DLG2: variants seen among roughly 807,000 people sequenced by gnomAD.
DLG2 encodes the protein discs large MAGUK scaffold protein 2.
In DLG2, 45 loss-of-function variants were observed where a neutral mutation model predicts 132.5. The observed-to-expected ratio is 0.34, with a 90% confidence interval of 0.27 to 0.44. DLG2 has a LOEUF of 0.44. Ranked by LOEUF, DLG2 falls within the 20% of genes least tolerant of loss-of-function variation. DLG2 has a pLI of 1.00. For synonymous variants in DLG2, 424 were observed against 419.6 expected (o/e 1.01, Z -0.13); for missense variants, 1,045 against 1,196.9 (o/e 0.87, Z 1.87).
At chr11:85,206,546 A>G (rs1009835763) in intron 4 of DLG2, among the ~76,000 whole-genome samples, 5 of 152,200 alleles carry the variant, frequency 3.3e-5, no homozygotes, top group African/African-American at 1.2e-4. Flanking sequence ...TAAGTAATAA[A>G]GGTTTGCTTT....
At chr11:85,593,016 AAGG>A (rs2079473671) in intron 3 of DLG2, among the ~76,000 whole-genome samples, 1 of 151,990 alleles carries the variant, frequency 6.6e-6, no homozygotes, top group South Asian at 2.1e-4. Context: ...GAAGGAAAGA[AAGG>A]AGGGAGGGAG....
chr11:84,694,586 A>G (rs1182452313), intron 6 of DLG2, among the ~76,000 whole-genome samples: 1 of 151,528 alleles, frequency 6.6e-6, no homozygotes, highest in African/African-American at 2.4e-5. Flanking sequence ...GACCTACGAC[A>G]TGAATCCTAC....
Position 85,548,152 on chromosome 11 carries a change from A to G in DLG2, c.40+50505T>C, listed in dbSNP as rs2076445760. On this transcript the variant is annotated intron_variant, in intron 3 of 27. Coordinates refer to ENST00000376104, the MANE Select transcript of DLG2 (RefSeq NM_001142699.3). ...TTACCTTTGGTCTTTGAAGTCGGTG[A>G]TCTTTGGCTGGGGTCTCTGAGTGGA... Among the ~76,000 whole-genome samples the G allele has an allele frequency of 2.0e-5, 3 of 152,066 alleles. No individual in the cohort carries two copies. In the South Asian group the frequency reaches 6.2e-4, roughly 32 times the overall value.
chr11:85,162,430 G>A (rs1425683418), intron 4 of DLG2, among the ~76,000 whole-genome samples: 1 of 152,226 alleles, frequency 6.6e-6, no homozygotes, highest in Admixed American at 6.5e-5. Flanking sequence ...TGAGGTGCTT[G>A]CTGAAGGCAA....
intron 18 of DLG2, among the ~76,000 whole-genome samples, chr11:83,649,148 C>T (rs2069220162): frequency 6.6e-6 from 1 of 151,922 alleles, no homozygotes; most frequent in Admixed American, 6.6e-5. Flanking sequence ...AAAGCACTGG[C>T]CTCTAAGTAT....
rs1272364165 is a variant in DLG2, at chr11:83,702,146, T to C, written c.1826-68821A>G. ...ATCAGGATATCTCAGCAAATTCCCC[T>C]TAACTTTCACTTTTTTTTTCCCCTA... On this transcript the variant is annotated intron_variant, in intron 18 of 27. Coordinates refer to ENST00000376104, the MANE Select transcript of DLG2 (RefSeq NM_001142699.3). Among the ~76,000 whole-genome samples, 3 of 152,334 alleles carry C rather than the reference T, an allele frequency of 2.0e-5. 1 individual carries two copies. The highest frequency in any genetic ancestry group is 7.2e-5 in the African/African-American group (3 of 41,568).
intron 7 of DLG2, among the ~76,000 whole-genome samples, chr11:84,522,395 TG>T (rs1762022532): frequency 6.6e-6 from 1 of 151,986 alleles, no homozygotes; most frequent in African/African-American, 2.4e-5. Context: ...AGGTGGGAGG[TG>T]GGGAGTTGTT....
chr11:84,969,964 C>T (rs1264140401), intron 6 of DLG2, among the ~76,000 whole-genome samples: 2 of 151,924 alleles, frequency 1.3e-5, no homozygotes, highest in Non-Finnish European at 1.5e-5. Flanking sequence ...GGGAGTTGAA[C>T]GATGAGAACG....
At chr11:83,937,877 C>T (rs943000555) in intron 14 of DLG2, among the ~76,000 whole-genome samples, 4 of 152,092 alleles carry the variant, frequency 2.6e-5, no homozygotes, top group African/African-American at 9.7e-5. Flanking sequence ...TGTAAAACCT[C>T]CTTAAAACAT....
intron 17 of DLG2, among the ~76,000 whole-genome samples, chr11:83,808,745 C>T (rs1003117551): frequency 6.6e-6 from 1 of 152,132 alleles, no homozygotes; most frequent in East Asian, 1.9e-4. Context: ...GGAAAAGTTG[C>T]CATGTACACT....
chr11:84,053,758 T>C (rs1394820465), intron 11 of DLG2, among the ~76,000 whole-genome samples: 1 of 152,006 alleles, frequency 6.6e-6, no homozygotes, highest in Non-Finnish European at 1.5e-5. Flanking sequence ...ATTACATATG[T>C]GTCTTCTTTA....
chr11:83,814,974 A>G (rs2048434623), intron 17 of DLG2: 1 of 162,004 alleles, frequency 6.2e-6, no homozygotes, highest in African/African-American at 2.4e-5. Context: ...GCCATTTCCA[A>G]TAATATGGGT....
chr11:84,501,490 G>A (rs557908705), intron 7 of DLG2, among the ~76,000 whole-genome samples: 114 of 152,250 alleles, frequency 7.5e-4, no homozygotes, highest in African/African-American at 2.6e-3. Flanking sequence ...GCTTGAACCC[G>A]GGAAGATGGA....
chr11:84,164,857 T>C (rs2095626312), intron 8 of DLG2, among the ~76,000 whole-genome samples: 1 of 152,212 alleles, frequency 6.6e-6, no homozygotes, highest in South Asian at 2.1e-4. Flanking sequence ...ACTGTTTTAC[T>C]ACATTATCAA....
chr11:85,049,566 T>G (rs567714920), intron 6 of DLG2, among the ~76,000 whole-genome samples: 2 of 152,122 alleles, frequency 1.3e-5, no homozygotes, highest in South Asian at 4.1e-4. Context: ...TTATCTGCAC[T>G]AGGTTCTCAA....
chr11:84,309,448 G>A (rs1454541785), intron 7 of DLG2, among the ~76,000 whole-genome samples: 1 of 152,176 alleles, frequency 6.6e-6, no homozygotes, highest in African/African-American at 2.4e-5. Flanking sequence ...ACTTAATTCC[G>A]AGTTTAAGGA....
intron 18 of DLG2, among the ~76,000 whole-genome samples, chr11:83,695,508 C>T (rs1050596939): frequency 3.0e-4 from 46 of 152,152 alleles, no homozygotes; most frequent in African/African-American, 1.1e-3. Flanking sequence ...TTTGGGAGGC[C>T]GAGGTGGGTG....
At chr11:85,021,216 A>C in intron 6 of DLG2, 1 of 1,224,928 alleles carries the variant, frequency 8.2e-7, no homozygotes, top group Non-Finnish European at 1.2e-6. Context: ...ATACACACTG[A>C]CGTTTCGAGG....
intron 21 of DLG2, among the ~76,000 whole-genome samples, chr11:83,484,673 T>C (rs925296130): frequency 4.6e-5 from 7 of 152,160 alleles, no homozygotes; most frequent in Non-Finnish European, 8.8e-5. Flanking sequence ...TAAAGTGCTA[T>C]ACAAATGTCT....
Sources: gnomAD v4.1 joint callset for allele counts (sites outside exome capture counted in the v4.1 genomes callset) on GRCh38, gnomAD v4.1.1 for gene constraint, MANE v1.5 for transcripts, NCBI Gene and HGNC (gene_info 2026-07-23, HGNC 2026-07-21) for gene names.